Variants in VRK3 observed in about 807,000 individuals in gnomAD.
VRK3 encodes serine/threonine-protein kinase VRK3.
In VRK3, 50 loss-of-function variants were observed where a neutral mutation model predicts 60.4. That is an observed-to-expected ratio of 0.83 (90% CI 0.66 to 1.05). The LOEUF (loss-of-function observed/expected upper bound fraction) is 1.05. VRK3 is among the 50% of genes least tolerant of loss of function. VRK3 has a pLI of 0.00. For missense variants in VRK3, 549 were observed against 585.3 expected, an observed-to-expected ratio of 0.94 and a Z score of 0.64; for synonymous variants, 246 against 227.8, an observed-to-expected ratio of 1.08 and a Z score of -0.72.
At chr19:49,981,995 G>A (rs893905935) in intron 12 of VRK3, 61 of 636,858 alleles carry the variant, frequency 9.6e-5, no homozygotes, top group African/African-American at 3.6e-4. Flanking sequence ...CAGCGGGGCC[G>A]TCAAGTAGGC....
intron 3 of VRK3, among the ~76,000 whole-genome samples, chr19:50,013,001 A>C (rs930221836): frequency 2.0e-5 from 3 of 152,034 alleles, no homozygotes; most frequent in African/African-American, 7.2e-5. Context: ...CCCCGCCTCT[A>C]CTAAAAATAC....
intron 3 of VRK3, among the ~76,000 whole-genome samples, chr19:50,013,046 A>G (rs1042688643): frequency 1.3e-5 from 2 of 152,076 alleles, no homozygotes; most frequent in African/African-American, 4.8e-5. Flanking sequence ...GGGCGCCTGT[A>G]GTCCCAGCTA....
chr19:49,994,708 G>A (rs2076670217), intron 9 of VRK3, 106 bp downstream of exon 9: 1 of 997,838 alleles, frequency 1.0e-6, no homozygotes, highest in South Asian at 1.5e-5. Flanking sequence ...CCAGTGTGCA[G>A]CGGAGGGGGG....
intron 3 of VRK3, among the ~76,000 whole-genome samples, chr19:50,012,742 G>T (rs1009209297): frequency 1.6e-4 from 25 of 152,164 alleles, no homozygotes; most frequent in Non-Finnish European, 2.6e-4. Context: ...AGGTGTGGTG[G>T]TGCGCGGCTG....
intron 13 of VRK3, among the ~76,000 whole-genome samples, chr19:49,980,402 G>C (rs555853276): frequency 2.0e-4 from 31 of 152,210 alleles, no homozygotes; most frequent in African/African-American, 7.5e-4. Context: ...TGAGATGTAT[G>C]TAGGGTGAGC....
At chr19:49,980,474 G>A (rs1295436083) in intron 13 of VRK3, among the ~76,000 whole-genome samples, 1 of 152,118 alleles carries the variant, frequency 6.6e-6, no homozygotes, top group East Asian at 1.9e-4. Flanking sequence ...CCAGCACTTT[G>A]GGAGGCCGAG....
At chr19:49,981,715 GATTTT>G in intron 12 of VRK3, 1 of 1,000,814 alleles carries the variant, frequency 1.0e-6, no homozygotes, top group Non-Finnish European at 1.2e-6. Context: ...TGGAAATAAA[GATTTT>G]ATTACTTACA....
At chr19:49,998,932 G>C (rs187713930) in intron 6 of VRK3, 2 of 109,180 alleles carry the variant, frequency 1.8e-5, no homozygotes, top group Admixed American at 1.4e-4. Context: ...AACACAGGAA[G>C]ACCCCATCTC....
In VRK3 at chr19:49,989,489, C is replaced by T. The variant is rs145506941; in HGVS notation, c.1096+150G>A. ...CTACCCCACCCACCTCCCTTGCGGTCGGGACGCTGTCTGTGGTTCCAATCC... is the reference window on the plus strand; with the variant it reads ...CTACCCCACCCACCTCCCTTGCGGTTGGGACGCTGTCTGTGGTTCCAATCC... On this transcript the variant is annotated intron_variant, in intron 11 of 14. Transcript: ENST00000316763. 1.6e-5 allele frequency: 18 copies of T among 1,101,750 alleles called. No individual in the cohort carries two copies. In the African/African-American group the frequency reaches 2.4e-4, roughly 15 times the overall value. The allele number at this position is 1,101,750 out of a possible 1,614,324, so 68.2% of individuals were successfully genotyped here.
intron 5 of VRK3, 107 bp from the exon 6 acceptor site, chr19:50,000,961 A>G: frequency 9.2e-7 from 1 of 1,086,874 alleles, no homozygotes; most frequent in Non-Finnish European, 1.3e-6. Flanking sequence ...CCTGGTTCCA[A>G]CAAGGTCAAG....
At chr19:50,009,064 A>G (rs1265794320) in intron 4 of VRK3, among the ~76,000 whole-genome samples, 172 bp downstream of exon 4, 1 of 152,142 alleles carries the variant, frequency 6.6e-6, no homozygotes, top group African/African-American at 2.4e-5. Flanking sequence ...CTGGGGCCAT[A>G]TAGAGGCAGA....
intron 5 of VRK3, among the ~76,000 whole-genome samples, chr19:50,007,038 G>C (rs980754275): frequency 1.6e-4 from 24 of 152,102 alleles, no homozygotes; most frequent in African/African-American, 5.8e-4. Context: ...TGAAACACCT[G>C]ACCAGTCTCC....
intron 5 of VRK3, among the ~76,000 whole-genome samples, chr19:50,002,359 C>T (rs980735935): frequency 1.3e-5 from 2 of 151,956 alleles, no homozygotes; most frequent in African/African-American, 4.8e-5. Context: ...GAGAGGGAGA[C>T]GTATGCAGGA....
intron 10 of VRK3, among the ~76,000 whole-genome samples, chr19:49,992,179 G>C (rs560852062): frequency 1.3e-5 from 2 of 152,152 alleles, no homozygotes; most frequent in Non-Finnish European, 2.9e-5. Context: ...AGGCAAAGGC[G>C]GGCGGATCAC....
At chr19:49,979,286 T>C in intron 13 of VRK3, 44 bp from the exon 14 acceptor site, 1 of 1,613,000 alleles carries the variant, frequency 6.2e-7, no homozygotes, top group South Asian at 1.1e-5. Flanking sequence ...CTGAGAGGCA[T>C]CCCCCAACCC....
intron 3 of VRK3, among the ~76,000 whole-genome samples, chr19:50,010,061 C>T (rs12151038): frequency 0.028 from 4,159 of 148,762 alleles, 124 homozygotes; most frequent in African/African-American, 0.079. Context: ...TATATATATA[C>T]ACACACACAC....
At chr19:50,015,184 A>T (rs1447772720) in intron 3 of VRK3, among the ~76,000 whole-genome samples, 1 of 152,120 alleles carries the variant, frequency 6.6e-6, no homozygotes, top group African/African-American at 2.4e-5. Context: ...CTAAGATGTG[A>T]CCAGGACATC....
intron 12 of VRK3, chr19:49,981,974 A>G (rs979581992): frequency 1.5e-6 from 1 of 647,738 alleles, no homozygotes; most frequent in African/African-American, 1.8e-5. Context: ...AGTTCAGTGG[A>G]ATGTGGGGGC....
At chr19:50,008,238 A>T in intron 4 of VRK3, among the ~76,000 whole-genome samples, 1 of 152,264 alleles carries the variant, frequency 6.6e-6, no homozygotes, top group East Asian at 1.9e-4. Flanking sequence ...CTAGACATTT[A>T]CCCAAAAACA....
Sources: allele counts gnomAD v4.1 joint callset (sites outside exome capture counted in the v4.1 genomes callset), GRCh38; gene constraint gnomAD v4.1.1; transcripts MANE v1.5; gene names NCBI Gene and HGNC (gene_info 2026-07-23, HGNC 2026-07-21).